Variants in CDH8 observed in about 807,000 individuals in gnomAD.
The protein encoded by CDH8 is cadherin 8.
In CDH8, 17 loss-of-function variants were observed where a neutral mutation model predicts 68.1. The observed-to-expected ratio is 0.25, with a 90% confidence interval of 0.17 to 0.37. CDH8 has a LOEUF of 0.37. CDH8 is among the 10% of genes least tolerant of loss of function. The pLI, the probability that CDH8 is intolerant of heterozygous loss-of-function variation, is 1.00. For missense variants in CDH8, 763 were observed against 999.3 expected (o/e 0.76, Z 3.19); for synonymous variants, 372 against 365.1 (o/e 1.02, Z -0.21).
intron 8 of CDH8, among the ~76,000 whole-genome samples, chr16:61,750,476 T>C (rs529944737): frequency 6.6e-6 from 1 of 152,242 alleles, no homozygotes; most frequent in Admixed American, 6.6e-5. Context: ...TATCTCAGGG[T>C]TGACTCAGTG....
chr16:61,851,637 G>T (rs2143012964), intron 4 of CDH8, among the ~76,000 whole-genome samples: 1 of 150,972 alleles, frequency 6.6e-6, no homozygotes. Context: ...ATATGGTATT[G>T]GGGGTGGCAG....
intron 6 of CDH8, among the ~76,000 whole-genome samples, chr16:61,819,027 AAT>A (rs1331948842): frequency 6.6e-6 from 1 of 151,230 alleles, no homozygotes; most frequent in Non-Finnish European, 1.5e-5. Flanking sequence ...TGCATCCATG[AAT>A]AGATCATGCA....
At chr16:61,975,736 A>C (rs1200164727) in intron 2 of CDH8, among the ~76,000 whole-genome samples, 1 of 152,156 alleles carries the variant, frequency 6.6e-6, no homozygotes, top group African/African-American at 2.4e-5. Context: ...ATCTGATCCT[A>C]CACTTACAAA....
chr16:61,988,854 C>G (rs1304346240), intron 2 of CDH8, among the ~76,000 whole-genome samples: 2 of 152,128 alleles, frequency 1.3e-5, no homozygotes, highest in African/African-American at 4.8e-5. Context: ...AAATCCCAAT[C>G]TTAGGCTAAG....
intron 3 of CDH8, among the ~76,000 whole-genome samples, chr16:61,887,951 T>C (rs72798771): frequency 0.089 from 13,616 of 152,242 alleles, 751 homozygotes; most frequent in African/African-American, 0.13. Flanking sequence ...CTTCATTCTC[T>C]ATCAATTAAG....
intron 2 of CDH8, among the ~76,000 whole-genome samples, chr16:62,011,348 C>A (rs572232000): frequency 6.6e-6 from 1 of 152,164 alleles, no homozygotes; most frequent in African/African-American, 2.4e-5. Context: ...CGGGTGCACA[C>A]GCAGGCAGTT....
intron 2 of CDH8, among the ~76,000 whole-genome samples, chr16:61,961,337 G>T (rs1419688440): frequency 6.6e-6 from 1 of 151,826 alleles, no homozygotes; most frequent in Non-Finnish European, 1.5e-5. Context: ...AACATGAATT[G>T]GATCACATCA....
chr16:61,982,313 G>A (rs564103461), intron 2 of CDH8, among the ~76,000 whole-genome samples: 3 of 152,034 alleles, frequency 2.0e-5, no homozygotes, highest in African/African-American at 7.2e-5. Flanking sequence ...TCCGCCTCCC[G>A]GGTTCACGCC....
Position 62,036,087 on chromosome 16 carries a change from G to C in CDH8, c.-207C>G, listed in dbSNP as rs552971745. 1 of 152,398 alleles carries C rather than the reference G, an allele frequency of 6.6e-6. No individual in the cohort carries two copies. The highest frequency in any genetic ancestry group is 2.1e-4 in the South Asian group (1 of 4,830). 9.4% of individuals were successfully genotyped at this position (152,398 alleles called of 1,614,324 possible). A position where few individuals can be genotyped will look rare whatever the true frequency, so the allele number is the denominator to read the frequency against. On this transcript the variant is annotated 5_prime_UTR_variant, in exon 1 of 12. Coordinates refer to ENST00000577390, the MANE Select transcript of CDH8 (RefSeq NM_001796.5). ...GGTTAGGGGAACACTTACTCTTGTG[G>C]GGCCCTGCGCTGGCGAATGTCAAGC...
At chr16:61,923,354 A>G (rs1162543898) in intron 2 of CDH8, among the ~76,000 whole-genome samples, 2 of 152,156 alleles carry the variant, frequency 1.3e-5, no homozygotes, top group African/African-American at 4.8e-5. Context: ...AAATTAATTG[A>G]TAATGGACAT....
intron 3 of CDH8, among the ~76,000 whole-genome samples, chr16:61,872,643 TCCAAAA>T (rs1963389855): frequency 1.3e-5 from 2 of 152,210 alleles, no homozygotes; most frequent in African/African-American, 4.8e-5. Context: ...TAACAGTAAT[TCCAAAA>T]GGGAGGAGGG....
chr16:61,668,920 A>G (rs1236362286), intron 10 of CDH8, among the ~76,000 whole-genome samples: 1 of 152,078 alleles, frequency 6.6e-6, no homozygotes, highest in East Asian at 1.9e-4. Flanking sequence ...TATAAAGAGT[A>G]GTTGAGCCAA....
At chr16:61,905,417 G>A (rs1301917366) in intron 2 of CDH8, among the ~76,000 whole-genome samples, 3 of 151,656 alleles carry the variant, frequency 2.0e-5, no homozygotes, top group Admixed American at 2.0e-4. Context: ...AAACTACATA[G>A]TAATATATTG....
At chr16:61,945,437 T>TA (rs59806534) in intron 2 of CDH8, among the ~76,000 whole-genome samples, 43,717 of 120,304 alleles carry the variant, frequency 0.36, 8,527 homozygotes, top group African/African-American at 0.54. Context: ...GATGCATGAT[T>TA]AAAAAAAAAA....
intron 3 of CDH8, among the ~76,000 whole-genome samples, chr16:61,864,153 T>C (rs1963206556): frequency 6.6e-6 from 1 of 152,214 alleles, no homozygotes; most frequent in Admixed American, 6.5e-5. Flanking sequence ...CTTCTGGTCC[T>C]GGATGTTTTA....
intron 2 of CDH8, among the ~76,000 whole-genome samples, chr16:61,982,358 T>G (rs1200647979): frequency 6.6e-6 from 1 of 152,154 alleles, no homozygotes; most frequent in African/African-American, 2.4e-5. Flanking sequence ...TAGCTGGGAC[T>G]ACAGGCGCCC....
Position 61,652,587 on chromosome 16 carries a change from C to T in CDH8, c.*1021G>A. On this transcript the variant is annotated 3_prime_UTR_variant, in exon 12 of 12. Coordinates refer to ENST00000577390, the MANE Select transcript of CDH8 (RefSeq NM_001796.5). ...GCTCTCCTTTCGATAATATTGCCTG[C>T]CATACTCATCTCATCAAAATGTACA... 9.6e-7 allele frequency: 1 copy of T among 1,042,408 alleles called. No homozygotes were observed. The highest frequency in any genetic ancestry group is 1.2e-6 in the Non-Finnish European group (1 of 850,100). The allele number at this position is 1,042,408 out of a possible 1,614,324, so 64.6% of individuals were successfully genotyped here. A position where few individuals can be genotyped will look rare whatever the true frequency, so the allele number is the denominator to read the frequency against.
chr16:61,973,936 G>C (rs1965389478), intron 2 of CDH8, among the ~76,000 whole-genome samples: 1 of 152,148 alleles, frequency 6.6e-6, no homozygotes, highest in Non-Finnish European at 1.5e-5. Context: ...CATCAGGTTT[G>C]CGTTGTCAGA....
rs980260952 is a variant in CDH8, at chr16:61,975,009, T to A, written c.252+46143A>T. ...CATGACCTTTAGAGTAATGAATGAA[T>A]GCTTGTAGGATGACTCTCTTTATAG... is the stretch of plus-strand genomic sequence containing the variant. On this transcript the variant is annotated intron_variant, in intron 2 of 11. Transcript: ENST00000577390. 2.0e-5 allele frequency among the ~76,000 whole-genome samples: 3 copies of A among 152,188 alleles called. No individual in the cohort carries two copies. The East Asian group carries it at 5.8e-4, about 29-fold the overall frequency.
Sources: gnomAD v4.1 joint callset for allele counts (sites outside exome capture counted in the v4.1 genomes callset) on GRCh38, gnomAD v4.1.1 for gene constraint, MANE v1.5 for transcripts, NCBI Gene and HGNC (gene_info 2026-07-23, HGNC 2026-07-21) for gene names.